The following MBP variants were observed in gnomAD, a reference collection of about 807,000 sequenced individuals.
The protein encoded by MBP is Golli-MBP.
A neutral mutation model predicts 35.8 loss-of-function variants in MBP; 16 were observed. The ratio of observed to expected loss-of-function variants is 0.45; its 90% CI spans 0.30 to 0.68. The LOEUF (loss-of-function observed/expected upper bound fraction) is 0.68. Among genes scored for constraint, MBP ranks in the 30% least tolerant of loss-of-function variants. The pLI, the probability that MBP is intolerant of heterozygous loss-of-function variation, is 0.08. For missense variants in MBP, 380 were observed against 404.7 expected, an observed-to-expected ratio of 0.94 and a Z score of 0.52; for synonymous variants, 143 against 159.6, an observed-to-expected ratio of 0.90 and a Z score of 0.78.
At chr18:76,996,226 G>A (rs779085929) in intron 4 of MBP, among the ~76,000 whole-genome samples, 9 of 152,066 alleles carry the variant, frequency 5.9e-5, no homozygotes, top group Non-Finnish European at 2.9e-5. Flanking sequence ...GAAACAATTT[G>A]GTAGTTTCTT....
chr18:77,061,395 T>G (rs570654189), intron 3 of MBP, among the ~76,000 whole-genome samples: 1 of 152,260 alleles, frequency 6.6e-6, no homozygotes, highest in South Asian at 2.1e-4. Flanking sequence ...CAATGTTTAC[T>G]GAGTACTGTG....
At chr18:77,121,037 C>T (rs114145751) in intron 1 of MBP, among the ~76,000 whole-genome samples, 3,496 of 152,288 alleles carry the variant, frequency 0.023, 152 homozygotes, top group African/African-American at 0.08. Context: ...CAGTGGCTCA[C>T]GCCTGTAATC....
chr18:77,084,624 C>T (rs878889427), intron 2 of MBP, among the ~76,000 whole-genome samples: 2 of 152,124 alleles, frequency 1.3e-5, no homozygotes, highest in African/African-American at 2.4e-5. Flanking sequence ...TCTCACCTCC[C>T]GGAATGCACA....
chr18:77,019,038 AT>A (rs1971867145), intron 3 of MBP, among the ~76,000 whole-genome samples: 2 of 39,736 alleles, frequency 5.0e-5, no homozygotes, highest in African/African-American at 1.4e-4. Flanking sequence ...CTGTTCATCC[AT>A]CCATCCATCC....
At chr18:77,017,317 C>T in intron 3 of MBP, 49 bp from the exon 4 acceptor site, 5 of 1,459,358 alleles carry the variant, frequency 3.4e-6, no homozygotes, top group Non-Finnish European at 4.5e-6. Flanking sequence ...AAGCTGAGCA[C>T]CGGACAAAGC....
intron 2 of MBP, among the ~76,000 whole-genome samples, chr18:77,091,521 T>G (rs994590125): frequency 6.6e-6 from 1 of 151,902 alleles, no homozygotes; most frequent in Admixed American, 6.6e-5. Context: ...TAGGGCTGAG[T>G]GCGGGAAGAG....
At chr18:77,121,457 T>C (rs529897999) in intron 1 of MBP, among the ~76,000 whole-genome samples, 37 of 152,370 alleles carry the variant, frequency 2.4e-4, no homozygotes, top group Admixed American at 5.2e-4. Context: ...CATTTAAACA[T>C]GCGTGTTCAG....
chr18:76,997,517 A>G (rs923890632), intron 4 of MBP, among the ~76,000 whole-genome samples: 5 of 152,314 alleles, frequency 3.3e-5, no homozygotes, highest in Admixed American at 1.3e-4. Flanking sequence ...GTGAGCTTTT[A>G]TATTGGTTGT....
At chr18:77,014,253 G>GCGGC in intron 4 of MBP, 3 of 985,444 alleles carry the variant, frequency 3.0e-6, no homozygotes, top group Non-Finnish European at 3.6e-6. Flanking sequence ...GGGCTCGGGG[G>GCGGC]CGGCCGCTCC....
At chr18:77,032,066 C>T (rs894183359) in intron 3 of MBP, among the ~76,000 whole-genome samples, 1 of 152,240 alleles carries the variant, frequency 6.6e-6, no homozygotes, top group Non-Finnish European at 1.5e-5. Context: ...TAAGCTGTGG[C>T]CCCTTGTCCC....
At chr18:77,065,530 A>T (rs1243896770) in intron 3 of MBP, among the ~76,000 whole-genome samples, 1 of 152,248 alleles carries the variant, frequency 6.6e-6, no homozygotes, top group African/African-American at 2.4e-5. Flanking sequence ...TATATTCAAT[A>T]AGGCAATACA....
rs199770774 is a variant in MBP, at chr18:77,080,154, TA to T, written c.52-13770del. ...TATTGGTCAGCATTTTTTGTTTCTT[TA>T]AAAAAAAATCATAGTTTTATTCTTG... On this transcript the variant is annotated intron_variant, in intron 2 of 8. Coordinates refer to ENST00000355994, the MANE Select transcript of MBP (RefSeq NM_001025101.2). Among the ~76,000 whole-genome samples, 206 of 151,956 alleles carry T rather than the reference TA, an allele frequency of 1.4e-3. 1 individual carries two copies. The highest frequency in any genetic ancestry group is 4.0e-3 in the Admixed American group (61 of 15,254).
At chr18:77,114,323 C>A (rs1257065522) in intron 1 of MBP, 1 of 152,196 alleles carries the variant, frequency 6.6e-6, no homozygotes, top group Non-Finnish European at 1.5e-5. Flanking sequence ...GATCAGCTGA[C>A]TTTGGAGAGA....
rs763253942 is a variant in MBP, at chr18:77,017,264, C to G, written c.144G>C (p.Glu48Asp). The G allele has an allele frequency of 2.6e-5, 39 of 1,507,966 alleles. No homozygotes were observed. The highest frequency in any genetic ancestry group is 3.3e-5 in the Non-Finnish European group (37 of 1,129,748). 93.4% of individuals were successfully genotyped at this position (1,507,966 alleles called of 1,614,324 possible). ...TCCCATTGTTCTGGTTCGCATCTGC[C>G]TCTCCTGCAAACAACAATGAGATAT... ...TTSEDNEVFG[E>D]ADANQNNGTS... Residue 48 changes from glutamate to aspartate, a missense_variant, in exon 4 of 9, where the codon GAG becomes GAC. Transcript: ENST00000355994.
At chr18:77,093,222 C>T (rs992404170) in intron 2 of MBP, 1 of 152,216 alleles carries the variant, frequency 6.6e-6, no homozygotes, top group Non-Finnish European at 1.5e-5. Flanking sequence ...ATCAGGGATC[C>T]GGTTGGAGAG....
At chr18:77,088,088 A>T (rs1231754143) in intron 2 of MBP, among the ~76,000 whole-genome samples, 1 of 152,126 alleles carries the variant, frequency 6.6e-6, no homozygotes. Flanking sequence ...TCTCGCCCAC[A>T]GCAGAGACCC....
chr18:77,069,398 C>T (rs1190005362), intron 2 of MBP, among the ~76,000 whole-genome samples: 1 of 152,200 alleles, frequency 6.6e-6, no homozygotes, highest in Non-Finnish European at 1.5e-5. Context: ...AGATCATATT[C>T]TTCACTAATT....
At chr18:77,041,969 C>T (rs765523596) in intron 3 of MBP, among the ~76,000 whole-genome samples, 2 of 151,540 alleles carry the variant, frequency 1.3e-5, no homozygotes, top group African/African-American at 4.9e-5. Context: ...CCTGCAGGAA[C>T]CCCCAGGAGA....
Position 76,988,622 on chromosome 18 carries a change from G to A in MBP, c.718-95C>T. On this transcript the variant is annotated intron_variant, in intron 6 of 8. Transcript: ENST00000355994. The surrounding 1 kb of genome is among the most constrained non-coding windows in gnomAD (Gnocchi z 5.2). The stretch of plus-strand genomic sequence containing the variant: ...AACACAGTCAAAGCACAGTGGAGCT[G>A]AGGTGGTAAAAACAGGTTCCACCCG... The A allele has an allele frequency of 6.5e-7, 1 of 1,534,368 alleles. No homozygotes were observed. The highest frequency in any genetic ancestry group is 8.7e-7 in the Non-Finnish European group (1 of 1,145,086).
Sources: allele counts gnomAD v4.1 joint callset (sites outside exome capture counted in the v4.1 genomes callset), GRCh38; gene constraint gnomAD v4.1.1; non-coding constraint Gnocchi (gnomAD v3.1); transcripts MANE v1.5; gene names NCBI Gene and HGNC (gene_info 2026-07-23, HGNC 2026-07-21).